Variants in ADCY5 observed in about 807,000 individuals in gnomAD.
ADCY5 encodes adenylate cyclase 5.
ADCY5 carries 30 observed loss-of-function variants against 119.7 expected under a neutral mutation model. The ratio of observed to expected loss-of-function variants is 0.25; its 90% CI spans 0.19 to 0.34. The LOEUF is 0.34. Ranked by LOEUF, ADCY5 falls within the 10% of genes least tolerant of loss-of-function variation. ADCY5 has a pLI of 1.00. For synonymous variants in ADCY5, 753 were observed against 762.2 expected, an observed-to-expected ratio of 0.99 and a Z score of 0.20; for missense variants, 1,324 against 1,775.2, an observed-to-expected ratio of 0.75 and a Z score of 4.57.
chr3:123,379,725 G>A (rs533583173), intron 1 of ADCY5, among the ~76,000 whole-genome samples: 3 of 152,068 alleles, frequency 2.0e-5, no homozygotes, highest in South Asian at 2.1e-4. Context: ...GCTCAGAGAC[G>A]GGACTTCAGA....
intron 1 of ADCY5, among the ~76,000 whole-genome samples, chr3:123,408,388 T>C (rs1474627962): frequency 1.3e-5 from 2 of 150,710 alleles, no homozygotes; most frequent in Admixed American, 6.6e-5. Flanking sequence ...CCGGGCACGG[T>C]GGCTCACGCC....
intron 1 of ADCY5, among the ~76,000 whole-genome samples, chr3:123,381,787 C>T (rs1310103144): frequency 6.6e-6 from 1 of 152,242 alleles, no homozygotes; most frequent in African/African-American, 2.4e-5. Context: ...GACCTTTCCT[C>T]AGCGTCAGCT....
At chr3:123,420,769 T>C (rs138977767) in intron 1 of ADCY5, among the ~76,000 whole-genome samples, 1 of 152,288 alleles carries the variant, frequency 6.6e-6, no homozygotes, top group Non-Finnish European at 1.5e-5. Context: ...CCCAACTCAG[T>C]GGCATAAACA....
rs78583735 is a variant in ADCY5 at position 123,390,281 on chromosome 3, T to C, written c.1135-37700A>G. 4.3e-4 allele frequency among the ~76,000 whole-genome samples: 66 copies of C among 152,346 alleles called. 1 individual carries two copies. In the East Asian group the frequency reaches 0.012, roughly 28 times the overall value. On this transcript the variant is annotated intron_variant, in intron 1 of 20. Coordinates refer to ENST00000462833, the MANE Select transcript of ADCY5 (RefSeq NM_183357.3). ...CCTGGATGCTGTGCTAGTGGCCGGA[T>C]GTCAAAGCAGCCTTTATAATCCCCT...
chr3:123,369,930 C>T (rs555801708), intron 1 of ADCY5, among the ~76,000 whole-genome samples: 7 of 152,324 alleles, frequency 4.6e-5, no homozygotes, highest in Admixed American at 3.9e-4. Flanking sequence ...TCTCTCCTGG[C>T]TGTGCTGCTA....
chr3:123,292,559 A>G (rs984660340), intron 17 of ADCY5, among the ~76,000 whole-genome samples: 32 of 152,152 alleles, frequency 2.1e-4, no homozygotes, highest in Non-Finnish European at 4.3e-4. Context: ...CCACAGAGGC[A>G]CGGGGAGCCA....
At chr3:123,446,760 G>T (rs1010312838) in intron 1 of ADCY5, among the ~76,000 whole-genome samples, 1 of 152,096 alleles carries the variant, frequency 6.6e-6, no homozygotes. Context: ...TGCTCAGGCC[G>T]GAAGGGGAAT....
intron 1 of ADCY5, among the ~76,000 whole-genome samples, chr3:123,365,823 C>G (rs138887444): frequency 3.5e-4 from 53 of 152,040 alleles, no homozygotes; most frequent in Admixed American, 2.2e-3. Context: ...GAAGGGACAG[C>G]GAGTGGGTCA....
chr3:123,406,001 T>G (rs928964813), intron 1 of ADCY5, among the ~76,000 whole-genome samples: 9 of 152,244 alleles, frequency 5.9e-5, no homozygotes, highest in African/African-American at 1.7e-4. Context: ...GACCGACTGC[T>G]CTTCCCAGGC....
chr3:123,346,398 G>A (rs1161027406), intron 3 of ADCY5, among the ~76,000 whole-genome samples: 1 of 152,218 alleles, frequency 6.6e-6, no homozygotes, highest in Non-Finnish European at 1.5e-5. Context: ...AGCATGGGGG[G>A]TTGGGAGACC....
intron 1 of ADCY5, among the ~76,000 whole-genome samples, chr3:123,400,996 C>T (rs902081130): frequency 2.6e-5 from 4 of 151,468 alleles, no homozygotes; most frequent in Admixed American, 6.6e-5. Flanking sequence ...AGAGCTGATA[C>T]GGTATGAAAG....
chr3:123,416,578 T>C (rs938934246), intron 1 of ADCY5, among the ~76,000 whole-genome samples: 1 of 152,172 alleles, frequency 6.6e-6, no homozygotes, highest in Admixed American at 6.5e-5. Flanking sequence ...GGCAGCCTGA[T>C]AGAGGAAAAT....
At position 123,441,980 on chromosome 3, in the gene ADCY5, GA is replaced by G. The variant is rs11382207; in HGVS notation, c.1134+5431del. ...ACATTTGGATATTGCCTTAAGGAAG[GA>G]AAAAAAAAAAAAAAAGCAGGGCTTT... On this transcript the variant is annotated intron_variant, in intron 1 of 20. Coordinates refer to ENST00000462833, the MANE Select transcript of ADCY5 (RefSeq NM_183357.3). 1.6e-3 allele frequency among the ~76,000 whole-genome samples: 229 copies of G among 139,150 alleles called. 2 individuals are homozygous for G. Among genetic ancestry groups the G allele is most frequent in the African/African-American group, 5.3e-3 (199 of 37,398 alleles). 91.3% of individuals were successfully genotyped at this position (139,150 alleles called of 152,430 possible). A position where few individuals can be genotyped will look rare whatever the true frequency, so the allele number is the denominator to read the frequency against.
intron 3 of ADCY5, among the ~76,000 whole-genome samples, chr3:123,335,766 C>T (rs1395694636): frequency 6.6e-6 from 1 of 152,160 alleles, no homozygotes; most frequent in Non-Finnish European, 1.5e-5. Context: ...CCAGGGAGTG[C>T]ATCCCAAGGC....
chr3:123,297,002 GAA>G, intron 16 of ADCY5: 1 of 1,536,082 alleles, frequency 6.5e-7, no homozygotes, highest in Non-Finnish European at 8.7e-7. Flanking sequence ...ACTCCAGAGG[GAA>G]AGTAGGTACC....
At chr3:123,398,314 G>T (rs1053565430) in intron 1 of ADCY5, among the ~76,000 whole-genome samples, 9 of 152,056 alleles carry the variant, frequency 5.9e-5, no homozygotes, top group African/African-American at 2.2e-4. Flanking sequence ...GGGACCTGAG[G>T]GTGCCCCAAC....
chr3:123,438,427 G>A (rs905468009), intron 1 of ADCY5, among the ~76,000 whole-genome samples: 32 of 152,026 alleles, frequency 2.1e-4, no homozygotes, highest in African/African-American at 7.0e-4. Flanking sequence ...GGTCAACCAC[G>A]GTCTGAAAAT....
At chr3:123,301,946 T>A (rs970920116) in intron 14 of ADCY5, among the ~76,000 whole-genome samples, 2 of 152,134 alleles carry the variant, frequency 1.3e-5, no homozygotes, top group East Asian at 3.9e-4. Flanking sequence ...GGGCTGCACC[T>A]GCCTAGGTGA....
At chr3:123,295,858 T>C (rs1489299211) in intron 17 of ADCY5, among the ~76,000 whole-genome samples, 4 of 152,212 alleles carry the variant, frequency 2.6e-5, no homozygotes, top group Non-Finnish European at 4.4e-5. Flanking sequence ...CAGCATGGGT[T>C]TGTCTGCACA....
Sources: allele counts gnomAD v4.1 joint callset (sites outside exome capture counted in the v4.1 genomes callset), GRCh38; gene constraint gnomAD v4.1.1; transcripts MANE v1.5; gene names NCBI Gene and HGNC (gene_info 2026-07-23, HGNC 2026-07-21).